The following SYT14 variants were observed in gnomAD, a reference collection of about 807,000 sequenced individuals.
The protein encoded by SYT14 is synaptotagmin 14.
Under a neutral mutation model 74.2 loss-of-function variants are expected in SYT14, and 32 were observed. The observed-to-expected ratio is 0.43, with a 90% confidence interval of 0.33 to 0.58. SYT14 has a LOEUF of 0.58. Ranked by LOEUF, SYT14 falls within the 20% of genes least tolerant of loss-of-function variation. The pLI is 0.05. For missense variants in SYT14, 791 were observed against 981.8 expected (o/e 0.81, Z 2.60); for synonymous variants, 298 against 337.7 (o/e 0.88, Z 1.29).
chr1:210,015,003 AG>A (rs750337822), intron 3 of SYT14, among the ~76,000 whole-genome samples: 1 of 65,134 alleles, frequency 1.5e-5, no homozygotes, highest in Admixed American at 1.4e-4. Context: ...AATTTAAAAC[AG>A]AAAATTTAAA....
At chr1:210,060,577 A>T (rs1031836540) in intron 5 of SYT14, among the ~76,000 whole-genome samples, 2 of 152,126 alleles carry the variant, frequency 1.3e-5, no homozygotes, top group African/African-American at 4.8e-5. Flanking sequence ...TGAGCCAATT[A>T]CTTATTTACC....
At chr1:210,121,171 G>A (rs2082453881) in intron 7 of SYT14, among the ~76,000 whole-genome samples, 1 of 152,134 alleles carries the variant, frequency 6.6e-6, no homozygotes, top group African/African-American at 2.4e-5. Flanking sequence ...TTTTTGTGAG[G>A]ATTAAAGGAG....
chr1:210,136,167 T>TA (rs1302284681), intron 7 of SYT14, among the ~76,000 whole-genome samples: 3 of 152,162 alleles, frequency 2.0e-5, no homozygotes, highest in Non-Finnish European at 2.9e-5. Flanking sequence ...TGCCTCCTCT[T>TA]ACAATGGTAA....
At chr1:210,021,252 A>G in exon 5 of SYT14, 1 of 1,613,416 alleles carries the variant, frequency 6.2e-7, no homozygotes, top group Non-Finnish European at 8.5e-7. Context: ...TCAATAGATG[A>G]AGGTAAGATG....
chr1:209,991,924 C>T (rs2079696369), intron 2 of SYT14, among the ~76,000 whole-genome samples: 1 of 152,010 alleles, frequency 6.6e-6, no homozygotes, highest in African/African-American at 2.4e-5. Flanking sequence ...TTTGTTAAGC[C>T]ACTGTAGAAA....
chr1:210,139,493 A>G (rs2082871640), intron 7 of SYT14, among the ~76,000 whole-genome samples: 1 of 152,030 alleles, frequency 6.6e-6, no homozygotes, highest in Non-Finnish European at 1.5e-5. Context: ...TTTCATAACT[A>G]TTGAGACATG....
At chr1:210,041,628 AG>A (rs974007620) in intron 5 of SYT14, among the ~76,000 whole-genome samples, 4 of 152,294 alleles carry the variant, frequency 2.6e-5, no homozygotes, top group South Asian at 4.1e-4. Flanking sequence ...TTATCTAGAA[AG>A]GGGGAATATG....
Position 209,985,111 on chromosome 1 carries a change from C to A in SYT14, c.-485-28522C>A, listed in dbSNP as rs532116444. ...TCTCATGTTGCTAAATATAATCAGG[C>A]CTTTCCAATAGTCCCCCAAAGTTTT... On this transcript the variant is annotated intron_variant, in intron 2 of 9. Coordinates refer to ENST00000637265, the Ensembl canonical transcript of SYT14. Among the ~76,000 whole-genome samples the A allele has an allele frequency of 2.6e-5, 4 of 152,276 alleles. No homozygotes were observed. In the South Asian group the frequency reaches 6.2e-4, roughly 24 times the overall value.
chr1:210,077,765 T>C (rs2081532787), intron 5 of SYT14, among the ~76,000 whole-genome samples: 1 of 152,214 alleles, frequency 6.6e-6, no homozygotes, highest in African/African-American at 2.4e-5. Flanking sequence ...TCTATATTCT[T>C]ATCATAGATA....
chr1:210,016,178 G>A, exon 4 of SYT14: 1 of 1,232,096 alleles, frequency 8.1e-7, no homozygotes, highest in Non-Finnish European at 1.0e-6. Context: ...CCCAGAAGAG[G>A]AAAGCTCTGT....
At chr1:210,009,895 A>T (rs905980059) in intron 2 of SYT14, among the ~76,000 whole-genome samples, 2 of 152,024 alleles carry the variant, frequency 1.3e-5, no homozygotes, top group East Asian at 3.9e-4. Flanking sequence ...AGTCACTCAA[A>T]CTAGAAACTT....
chr1:210,052,062 A>C (rs1322651968), intron 5 of SYT14, among the ~76,000 whole-genome samples: 2 of 152,192 alleles, frequency 1.3e-5, no homozygotes, highest in African/African-American at 4.8e-5. Flanking sequence ...TCAGGAACAC[A>C]CTGTTGTCGA....
intron 7 of SYT14, among the ~76,000 whole-genome samples, chr1:210,131,289 A>C (rs1013293954): frequency 6.6e-6 from 1 of 152,112 alleles, no homozygotes; most frequent in Non-Finnish European, 1.5e-5. Flanking sequence ...TGGAATTGAC[A>C]AGTTGTTTTC....
intron 2 of SYT14, among the ~76,000 whole-genome samples, chr1:209,986,116 C>T (rs965113494): frequency 9.2e-5 from 14 of 152,204 alleles, no homozygotes; most frequent in African/African-American, 3.4e-4. Flanking sequence ...TGCTCCGCAG[C>T]CTGCTTAAAT....
At chr1:210,155,223 A>G (rs779483513) in intron 7 of SYT14, among the ~76,000 whole-genome samples, 1 of 152,132 alleles carries the variant, frequency 6.6e-6, no homozygotes, top group Admixed American at 6.5e-5. Flanking sequence ...AACTACATCA[A>G]TTTGTTTGAT....
At chr1:210,169,977 TAG>T (rs2083506378) in exon 10 of SYT14, 1 of 151,986 alleles carries the variant, frequency 6.6e-6, no homozygotes, top group Non-Finnish European at 1.5e-5. Flanking sequence ...CCTTCCTTCC[TAG>T]TTCTTTCATT....
At chr1:209,950,760 C>A (rs925621529) in intron 1 of SYT14, among the ~76,000 whole-genome samples, 2 of 152,030 alleles carry the variant, frequency 1.3e-5, no homozygotes, top group Admixed American at 6.5e-5. Flanking sequence ...CATGTTATTT[C>A]TGTAGGATAT....
intron 1 of SYT14, among the ~76,000 whole-genome samples, chr1:209,945,349 A>T (rs1305508802): frequency 6.6e-6 from 1 of 152,160 alleles, no homozygotes; most frequent in African/African-American, 2.4e-5. Context: ...TTTATGTAAC[A>T]CTGTGTTTTA....
chr1:209,952,883 G>C, intron 2 of SYT14, 127 bp downstream of exon 2: 1 of 1,110,280 alleles, frequency 9.0e-7, no homozygotes. Flanking sequence ...ATTAACATTT[G>C]TCTTACAGAC....
Sources: gnomAD v4.1 joint callset for allele counts (sites outside exome capture counted in the v4.1 genomes callset) on GRCh38, gnomAD v4.1.1 for gene constraint, MANE v1.5 for transcripts, NCBI Gene and HGNC (gene_info 2026-07-23, HGNC 2026-07-21) for gene names.